Variants in MYO5B observed in about 807,000 individuals in gnomAD.
MYO5B encodes the protein myosin VB, also known as unconventional myosin-Vb.
A neutral mutation model predicts 229.3 loss-of-function variants in MYO5B; 143 were observed. The observed-to-expected ratio is 0.62, with a 90% CI of 0.54 to 0.72. The LOEUF is 0.72. MYO5B is among the 30% of genes least tolerant of loss of function. The pLI is 0.00. For missense variants in MYO5B, 2,321 were observed against 2,331.0 expected, an observed-to-expected ratio of 1.00 and a Z score of 0.09; for synonymous variants, 918 against 885.2, an observed-to-expected ratio of 1.04 and a Z score of -0.66.
At chr18:49,911,860 A>T (rs7236607) in intron 18 of MYO5B, among the ~76,000 whole-genome samples, 3,013 of 152,276 alleles carry the variant, frequency 0.02, 99 homozygotes, top group African/African-American at 0.069. Flanking sequence ...CTGAGCTGTA[A>T]AAAAGGTTGG....
At chr18:50,043,355 A>ATATT (rs1446397326) in intron 2 of MYO5B, among the ~76,000 whole-genome samples, 1 of 115,442 alleles carries the variant, frequency 8.7e-6, no homozygotes, top group Non-Finnish European at 1.7e-5. Context: ...TATATATAAT[A>ATATT]TAAATATATT....
At chr18:49,912,358 ATGTGATTCTTGGAATTGTGGC>A (rs1450451383) in intron 17 of MYO5B, among the ~76,000 whole-genome samples, 185 bp from the exon 18 acceptor site, 1 of 152,136 alleles carries the variant, frequency 6.6e-6, no homozygotes, top group African/African-American at 2.4e-5. Context: ...TTCACTGTGA[ATGTGATTCTTGGAATTGTGGC>A]TGGAGGGCTG....
intron 10 of MYO5B, among the ~76,000 whole-genome samples, chr18:49,966,361 G>A (rs1180867876): frequency 6.6e-6 from 1 of 152,154 alleles, no homozygotes. Context: ...GATGAAGGAG[G>A]CCACCCCTGT....
chr18:50,115,581 C>CAT (rs1352188339), intron 1 of MYO5B, among the ~76,000 whole-genome samples: 4 of 146,904 alleles, frequency 2.7e-5, no homozygotes, highest in Non-Finnish European at 6.0e-5. Flanking sequence ...CACACACACA[C>CAT]ACAAACTGTC....
At chr18:49,885,925 G>A (rs561922659) in intron 22 of MYO5B, among the ~76,000 whole-genome samples, 3 of 152,132 alleles carry the variant, frequency 2.0e-5, no homozygotes, top group African/African-American at 2.4e-5. Flanking sequence ...CTTGCAAAAA[G>A]ATCCAAGCAC....
At chr18:49,931,574 T>C (rs750492297) in intron 16 of MYO5B, among the ~76,000 whole-genome samples, 3 of 152,188 alleles carry the variant, frequency 2.0e-5, no homozygotes, top group South Asian at 2.1e-4. Context: ...AGGGAGTATG[T>C]GCTGAGCACC....
intron 1 of MYO5B, among the ~76,000 whole-genome samples, chr18:50,127,461 CAA>C (rs2032183342): frequency 6.6e-6 from 1 of 152,178 alleles, no homozygotes; most frequent in Admixed American, 6.5e-5. Context: ...CAAGAGTGGT[CAA>C]ACTCATGGTA....
chr18:50,036,956 G>T lies in MYO5B; in HGVS notation c.349C>A (p.Pro117Thr). 6.2e-7 allele frequency: 1 copy of T among 1,614,086 alleles called. No homozygotes were observed. Among genetic ancestry groups the T allele is most frequent in the Non-Finnish European group, 8.5e-7 (1 of 1,180,010 alleles). ...LVAINPYEQLPIYGQDVIYTY... is the reference protein window; with the variant it reads ...LVAINPYEQLTIYGQDVIYTY... The stretch of plus-strand genomic sequence containing the variant: ...TAGATGACATCTTGTCCATAGATTG[G>T]CAACTGTTCATAAGGATTAATGGCA... The change falls in exon 4 of 40, where the codon CCA (proline) becomes ACA (threonine). Residue 117 changes from proline (P) to threonine (T), a missense_variant. This residue lies in a region of MYO5B where 2,113 missense variants were observed against 2,044.7 expected (regional missense o/e 1.03). Coordinates refer to ENST00000285039, the MANE Select transcript of MYO5B (RefSeq NM_001080467.3).
At chr18:50,193,675 T>G (rs904665216) in intron 1 of MYO5B, among the ~76,000 whole-genome samples, 3 of 152,336 alleles carry the variant, frequency 2.0e-5, no homozygotes, top group Admixed American at 6.5e-5. Flanking sequence ...TGGAGGCGTG[T>G]GCATAGGCAC....
chr18:50,050,059 A>G (rs1192599830), intron 2 of MYO5B, among the ~76,000 whole-genome samples: 1 of 152,222 alleles, frequency 6.6e-6, no homozygotes, highest in African/African-American at 2.4e-5. Flanking sequence ...AGATAATTAT[A>G]TGCATTATAC....
At chr18:49,847,318 G>A in intron 32 of MYO5B, 29 bp from the exon 33 acceptor site, 4 of 1,609,772 alleles carry the variant, frequency 2.5e-6, no homozygotes, top group Non-Finnish European at 3.4e-6. Flanking sequence ...AGGAAGCATG[G>A]ATGAGACTTC....
At chr18:49,847,014 G>T in intron 33 of MYO5B, 132 bp downstream of exon 33, 1 of 1,162,540 alleles carries the variant, frequency 8.6e-7, no homozygotes, top group Non-Finnish European at 1.2e-6. Context: ...AGGTGCAAGG[G>T]CAAGTAGGAG....
At chr18:49,936,101 T>C in intron 16 of MYO5B, 151 bp downstream of exon 16, 1 of 715,816 alleles carries the variant, frequency 1.4e-6, no homozygotes, top group East Asian at 2.7e-5. Context: ...TGTCTGTCAG[T>C]CTGTCTGCAG....
At chr18:49,860,961 TC>T (rs943183115) in intron 29 of MYO5B, among the ~76,000 whole-genome samples, 1 of 152,198 alleles carries the variant, frequency 6.6e-6, no homozygotes, top group Admixed American at 6.5e-5. Flanking sequence ...GGGTCCCTGT[TC>T]CCTGCCTCTC....
At chr18:50,096,441 C>T (rs116834385) in intron 1 of MYO5B, among the ~76,000 whole-genome samples, 1,546 of 152,244 alleles carry the variant, frequency 0.01, 21 homozygotes, top group African/African-American at 0.035. Flanking sequence ...GCCTCTCCCC[C>T]CTCCAATCCA....
At chr18:50,088,987 C>T (rs937663106) in intron 1 of MYO5B, among the ~76,000 whole-genome samples, 1 of 145,506 alleles carries the variant, frequency 6.9e-6, no homozygotes, top group Non-Finnish European at 1.6e-5. Flanking sequence ...CCCTAAAATG[C>T]TCATTTTTCC....
chr18:50,012,583 C>A (rs997553030), intron 4 of MYO5B, among the ~76,000 whole-genome samples: 21 of 152,192 alleles, frequency 1.4e-4, no homozygotes, highest in Admixed American at 2.6e-4. Context: ...GATGCACAAG[C>A]ATTAAGATTC....
chr18:49,909,832 G>A (rs549967391), intron 18 of MYO5B, among the ~76,000 whole-genome samples: 1 of 152,328 alleles, frequency 6.6e-6, no homozygotes, highest in East Asian at 1.9e-4. Context: ...ATTGCAGGCA[G>A]AGGAAACAGC....
intron 17 of MYO5B, among the ~76,000 whole-genome samples, chr18:49,917,020 C>A (rs1175457684): frequency 1.3e-5 from 2 of 152,154 alleles, no homozygotes; most frequent in East Asian, 3.8e-4. Flanking sequence ...CTGGAACAGC[C>A]CACTCATGAA....
Sources: allele counts gnomAD v4.1 joint callset (sites outside exome capture counted in the v4.1 genomes callset), GRCh38; gene constraint gnomAD v4.1.1; regional missense constraint gnomAD v4.1.1; transcripts MANE v1.5; gene names NCBI Gene and HGNC (gene_info 2026-07-23, HGNC 2026-07-21).